Variants in KCNH7 observed in about 807,000 individuals in gnomAD.
KCNH7 encodes the protein potassium voltage-gated channel subfamily H member 7, also known as voltage-gated inwardly rectifying potassium channel KCNH7.
Under a neutral mutation model 120.8 loss-of-function variants are expected in KCNH7, and 49 were observed. The ratio of observed to expected loss-of-function variants is 0.41; its 90% CI spans 0.32 to 0.51. The LOEUF (loss-of-function observed/expected upper bound fraction) is 0.51. Among genes scored for constraint, KCNH7 ranks in the 20% least tolerant of loss-of-function variants. KCNH7 has a pLI of 0.38. For missense variants in KCNH7, 1,097 were observed against 1,446.6 expected (o/e 0.76, Z 3.92); for synonymous variants, 547 against 516.1 (o/e 1.06, Z -0.81).
At chr2:162,556,067 T>C (rs1194225109) in intron 2 of KCNH7, among the ~76,000 whole-genome samples, 1 of 152,064 alleles carries the variant, frequency 6.6e-6, no homozygotes, top group African/African-American at 2.4e-5. Context: ...CCATATTATA[T>C]AGTGAATAGT....
At chr2:162,482,324 A>G (rs1689955987) in intron 6 of KCNH7, among the ~76,000 whole-genome samples, 1 of 152,202 alleles carries the variant, frequency 6.6e-6, no homozygotes, top group Non-Finnish European at 1.5e-5. Flanking sequence ...AAGACTGACC[A>G]GAGCAGATGT....
chr2:162,656,886 T>C (rs1432612288), intron 2 of KCNH7, among the ~76,000 whole-genome samples: 1 of 152,070 alleles, frequency 6.6e-6, no homozygotes, highest in African/African-American at 2.4e-5. Context: ...TGACTACAGA[T>C]AAGAAAAATG....
intron 2 of KCNH7, among the ~76,000 whole-genome samples, chr2:162,594,809 C>A (rs1353053817): frequency 6.6e-6 from 1 of 151,930 alleles, no homozygotes; most frequent in East Asian, 1.9e-4. Context: ...AGATGTTACA[C>A]CATTTTATAT....
intron 10 of KCNH7, among the ~76,000 whole-genome samples, chr2:162,398,412 T>C (rs942735407): frequency 2.6e-5 from 4 of 151,814 alleles, no homozygotes; most frequent in Non-Finnish European, 5.9e-5. Flanking sequence ...TTAACCACAG[T>C]TTAAATAAAT....
intron 6 of KCNH7, among the ~76,000 whole-genome samples, chr2:162,491,360 GT>G (rs908954237): frequency 6.6e-6 from 1 of 152,132 alleles, no homozygotes; most frequent in Non-Finnish European, 1.5e-5. Context: ...TATGCAAGAG[GT>G]TTTTTTGTTT....
chr2:162,574,594 T>C (rs1693606378), intron 2 of KCNH7, among the ~76,000 whole-genome samples: 1 of 152,092 alleles, frequency 6.6e-6, no homozygotes, highest in South Asian at 2.1e-4. Flanking sequence ...CATGTAAGTA[T>C]TCAATGTTAT....
chr2:162,568,683 A>G (rs1485469787), intron 2 of KCNH7, among the ~76,000 whole-genome samples: 1 of 152,038 alleles, frequency 6.6e-6, no homozygotes, highest in Non-Finnish European at 1.5e-5. Flanking sequence ...GAGTAGAAAC[A>G]AAGAGGAAAT....
At chr2:162,584,672 T>C (rs934498019) in intron 2 of KCNH7, among the ~76,000 whole-genome samples, 1 of 152,042 alleles carries the variant, frequency 6.6e-6, no homozygotes, top group African/African-American at 2.4e-5. Flanking sequence ...CTATTACAAC[T>C]GGGGAATCTA....
chr2:162,627,498 C>A (rs767402565), intron 2 of KCNH7, among the ~76,000 whole-genome samples: 9 of 152,046 alleles, frequency 5.9e-5, no homozygotes, highest in Non-Finnish European at 1.0e-4. Context: ...TTTGCTTATG[C>A]ATAATAAATA....
chr2:162,687,942 C>T (rs1317630731), intron 2 of KCNH7, among the ~76,000 whole-genome samples: 1 of 152,082 alleles, frequency 6.6e-6, no homozygotes, highest in African/African-American at 2.4e-5. Flanking sequence ...TCAACTAAAG[C>T]ATATTTCACT....
chr2:162,477,321 G>A (rs1689778936), intron 6 of KCNH7, among the ~76,000 whole-genome samples: 1 of 152,208 alleles, frequency 6.6e-6, no homozygotes, highest in Admixed American at 6.5e-5. Flanking sequence ...CTGCCAAGGG[G>A]CAGGGAGCAC....
At chr2:162,425,935 C>T (rs1045228116) in intron 8 of KCNH7, among the ~76,000 whole-genome samples, 9 of 152,040 alleles carry the variant, frequency 5.9e-5, no homozygotes, top group Non-Finnish European at 1.3e-4. Context: ...AATTTATGGT[C>T]AGGCGCGGTG....
chr2:162,627,936 A>C (rs1448978232), intron 2 of KCNH7, among the ~76,000 whole-genome samples: 3 of 152,182 alleles, frequency 2.0e-5, no homozygotes, highest in Non-Finnish European at 4.4e-5. Context: ...ATAAAATTTA[A>C]GAAAGTTTTG....
At chr2:162,580,220 C>T (rs1004871026) in intron 2 of KCNH7, among the ~76,000 whole-genome samples, 2 of 152,020 alleles carry the variant, frequency 1.3e-5, no homozygotes, top group African/African-American at 2.4e-5. Flanking sequence ...GTTCACAGCA[C>T]ACGTCCATCA....
intron 2 of KCNH7, among the ~76,000 whole-genome samples, chr2:162,552,019 C>T (rs1574092538): frequency 6.6e-6 from 1 of 152,170 alleles, no homozygotes; most frequent in East Asian, 1.9e-4. Context: ...CAAGCAGAAC[C>T]AAAATGGAAA....
At chr2:162,440,148 C>T (rs77980152) in intron 7 of KCNH7, among the ~76,000 whole-genome samples, 2 of 151,524 alleles carry the variant, frequency 1.3e-5, no homozygotes, top group African/African-American at 2.4e-5. Context: ...TTTTAGTAAA[C>T]ATTTTTAAGA....
intron 2 of KCNH7, among the ~76,000 whole-genome samples, chr2:162,665,347 G>C (rs1574239430): frequency 6.6e-6 from 1 of 152,006 alleles, no homozygotes; most frequent in East Asian, 1.9e-4. Flanking sequence ...AGTCACAGTA[G>C]AGGATTTTGG....
chr2:162,673,418 T>C (rs1685428425), intron 2 of KCNH7, among the ~76,000 whole-genome samples: 1 of 152,180 alleles, frequency 6.6e-6, no homozygotes, highest in South Asian at 2.1e-4. Flanking sequence ...ATCCACCACA[T>C]ATCAGATTGT....
At chr2:162,543,341 T>C (rs1174264922) in intron 2 of KCNH7, among the ~76,000 whole-genome samples, 3 of 151,708 alleles carry the variant, frequency 2.0e-5, no homozygotes, top group African/African-American at 7.3e-5. Context: ...ACAACAATAG[T>C]GAATGTATTT....
Sources: gnomAD v4.1 joint callset for allele counts (sites outside exome capture counted in the v4.1 genomes callset) on GRCh38, gnomAD v4.1.1 for gene constraint, MANE v1.5 for transcripts, NCBI Gene and HGNC (gene_info 2026-07-23, HGNC 2026-07-21) for gene names.